Variants in CHMP2B observed in about 807,000 individuals in gnomAD.
The protein encoded by CHMP2B is charged multivesicular body protein 2B, also known as VPS2 homolog B.
A neutral mutation model predicts 29.8 loss-of-function variants in CHMP2B; 22 were observed. That is an observed-to-expected ratio of 0.74 (90% CI 0.53 to 1.05). The LOEUF (loss-of-function observed/expected upper bound fraction) is 1.05, where lower values mean the gene tolerates loss of function less well. CHMP2B is among the 50% of genes least tolerant of loss of function. CHMP2B has a pLI of 0.00. For synonymous variants in CHMP2B, 78 were observed against 75.8 expected (o/e 1.03, Z -0.15); for missense variants, 261 against 252.2 (o/e 1.03, Z -0.24).
At chr3:87,240,534 T>C (rs1373361582) in intron 1 of CHMP2B, 165 bp from the exon 2 acceptor site, 6 of 566,430 alleles carry the variant, frequency 1.1e-5, no homozygotes, top group African/African-American at 1.9e-5. Flanking sequence ...GGTCTCGAAC[T>C]CCTGACCTCA....
At chr3:87,243,314 C>T (rs1199802745) in intron 2 of CHMP2B, among the ~76,000 whole-genome samples, 1 of 151,926 alleles carries the variant, frequency 6.6e-6, no homozygotes, top group Non-Finnish European at 1.5e-5. Flanking sequence ...TTTCAGTTTG[C>T]TGAAATTTTA....
chr3:87,250,073 A>G, intron 4 of CHMP2B, 96 bp downstream of exon 4: 1 of 742,730 alleles, frequency 1.3e-6, no homozygotes, highest in Non-Finnish European at 2.2e-6. Flanking sequence ...CGAAGGCAGA[A>G]ATGATGAAAC....
intron 2 of CHMP2B, among the ~76,000 whole-genome samples, chr3:87,243,572 C>T (rs1706160496): frequency 6.6e-6 from 1 of 152,022 alleles, no homozygotes; most frequent in African/African-American, 2.4e-5. Context: ...TTGTGTAGTT[C>T]TTCCTTAAAT....
At chr3:87,242,653 G>C (rs1426118014) in intron 2 of CHMP2B, among the ~76,000 whole-genome samples, 1 of 152,098 alleles carries the variant, frequency 6.6e-6, no homozygotes, top group Non-Finnish European at 1.5e-5. Flanking sequence ...ATGGTGTCAG[G>C]TAAGGGTAGA....
At chr3:87,235,899 T>C (rs935378053) in intron 1 of CHMP2B, among the ~76,000 whole-genome samples, 6 of 152,214 alleles carry the variant, frequency 3.9e-5, no homozygotes, top group Non-Finnish European at 7.3e-5. Flanking sequence ...CAACTTCATC[T>C]TCAACTTTGA....
At chr3:87,251,427 A>G (rs187413614) in intron 4 of CHMP2B, among the ~76,000 whole-genome samples, 1 of 152,142 alleles carries the variant, frequency 6.6e-6, no homozygotes, top group African/African-American at 2.4e-5. Flanking sequence ...CCATTAAGCT[A>G]TAATGAAAAG....
chr3:87,248,158 C>T (rs62257798), intron 3 of CHMP2B, among the ~76,000 whole-genome samples: 47,418 of 151,184 alleles, frequency 0.31, 9,261 homozygotes, highest in Non-Finnish European at 0.44. Flanking sequence ...ATTAGCTGGG[C>T]GTGGTGGTGG....
rs144624883 is a variant in CHMP2B at position 87,245,839 on chromosome 3, T to C, written c.252T>C (p.Ser84=). 2.0e-5 allele frequency: 33 copies of C among 1,613,706 alleles called. No individual in the cohort carries two copies. The African/African-American group carries it at 4.4e-4, about 22-fold the overall frequency. ...TTGCTGTAAGTTCAAAAGTTACTTC[T>C]ATGTCTACACAAACAAAAGTGATGA... ...RTFAVSSKVT[S]MSTQTKVMNS... The change falls in exon 3 of 6, where the codon TCT becomes TCC. Residue 84 remains serine (S), a synonymous_variant. Coordinates refer to ENST00000263780, the MANE Select transcript of CHMP2B (RefSeq NM_014043.4).
intron 1 of CHMP2B, chr3:87,240,446 G>A: frequency 5.4e-6 from 2 of 370,560 alleles, no homozygotes; most frequent in Non-Finnish European, 1.0e-5. Flanking sequence ...GAGTAGCTCG[G>A]ATTACAGGCA....
chr3:87,237,354 G>T (rs1468678902), intron 1 of CHMP2B, among the ~76,000 whole-genome samples: 3 of 152,088 alleles, frequency 2.0e-5, no homozygotes, highest in Non-Finnish European at 4.4e-5. Context: ...GCTATCCTTA[G>T]AAGAAGAGAA....
At chr3:87,229,202 A>G (rs556532658) in intron 1 of CHMP2B, among the ~76,000 whole-genome samples, 1 of 152,262 alleles carries the variant, frequency 6.6e-6, no homozygotes, top group South Asian at 2.1e-4. Context: ...TTTAGTGACT[A>G]TTGTACTTGA....
At chr3:87,243,386 G>T (rs905228738) in intron 2 of CHMP2B, among the ~76,000 whole-genome samples, 1 of 151,418 alleles carries the variant, frequency 6.6e-6, no homozygotes, top group Non-Finnish European at 1.5e-5. Context: ...TGTGTGGTGG[G>T]TTTTTTTTGT....
chr3:87,241,095 A>G (rs1706110491), intron 2 of CHMP2B, among the ~76,000 whole-genome samples: 1 of 152,210 alleles, frequency 6.6e-6, no homozygotes, highest in Admixed American at 6.5e-5. Context: ...GTTAACAGGA[A>G]GATGAAATAG....
Position 87,252,604 on chromosome 3 carries a change from A to T in CHMP2B, c.425-800A>T, listed in dbSNP as rs138471866. Reference sequence around the variant, plus strand: ...CTTCTCTGAAACTTTATAATCATTTATCTTTTCTCTTACCACAATCTGTTT... The same window carrying T: ...CTTCTCTGAAACTTTATAATCATTTTTCTTTTCTCTTACCACAATCTGTTT... On this transcript the variant is annotated intron_variant, in intron 4 of 5. Coordinates refer to ENST00000263780, the MANE Select transcript of CHMP2B (RefSeq NM_014043.4). 3.5e-3 allele frequency among the ~76,000 whole-genome samples: 530 copies of T among 151,908 alleles called. 2 individuals carry two copies. Among genetic ancestry groups the T allele is most frequent in the Non-Finnish European group, 4.7e-3 (322 of 67,820 alleles).
chr3:87,239,752 A>G (rs1706078959), intron 1 of CHMP2B, among the ~76,000 whole-genome samples: 7 of 152,200 alleles, frequency 4.6e-5, no homozygotes, highest in Admixed American at 4.6e-4. Context: ...AATTCAGATA[A>G]ATTAGAAAGA....
At chr3:87,245,953 G>A (rs200711743) in intron 3 of CHMP2B, 45 bp downstream of exon 3, 62 of 1,471,558 alleles carry the variant, frequency 4.2e-5, no homozygotes, top group Middle Eastern at 2.3e-4. Flanking sequence ...TTTTATCAAC[G>A]ATATTTAAAT....
rs760794461 is a variant in CHMP2B, at chr3:87,253,433, G to T, written c.454G>T (p.Gly152Cys). ...TGATACACTTGATGACATCTTTGAC[G>T]GTTCTGATGACGAAGAAGAAAGCCA... is the stretch of plus-strand genomic sequence containing the variant. ...INDTLDDIFD[G>C]SDDEEESQDI... The change falls in exon 5 of 6, where the codon GGT becomes TGT. Residue 152 changes from glycine to cysteine, a missense_variant. Physicochemically the swap from Gly to Cys is radical, Grantham distance 159. Transcript: ENST00000263780. 4.3e-6 allele frequency: 7 copies of T among 1,610,698 alleles called. No individual in the cohort carries two copies. Among genetic ancestry groups the T allele is most frequent in the Non-Finnish European group, 5.9e-6 (7 of 1,177,390 alleles).
At position 87,242,402 on chromosome 3, in the gene CHMP2B, T is replaced by C. The variant is rs182384006; in HGVS notation, c.126+1612T>C. On this transcript the variant is annotated intron_variant, in intron 2 of 5. Coordinates refer to ENST00000263780, the MANE Select transcript of CHMP2B (RefSeq NM_014043.4). ...GATAGTGTTTTCTAAGTCTTCTGTA[T>C]CATTGCAGATCTTCTGTCTACTTGT... is the stretch of plus-strand genomic sequence containing the variant. Among the ~76,000 whole-genome samples, 23 of 152,272 alleles carry C rather than the reference T, an allele frequency of 1.5e-4. No homozygotes were observed. The East Asian group carries it at 1.7e-3, about 11-fold the overall frequency.
At chr3:87,252,409 AC>A (rs1441995715) in intron 4 of CHMP2B, among the ~76,000 whole-genome samples, 1 of 150,998 alleles carries the variant, frequency 6.6e-6, no homozygotes, top group African/African-American at 2.4e-5. Flanking sequence ...CCATTTATGT[AC>A]CTTAAATAAC....
Sources: allele counts gnomAD v4.1 joint callset (sites outside exome capture counted in the v4.1 genomes callset), GRCh38; gene constraint gnomAD v4.1.1; transcripts MANE v1.5; gene names NCBI Gene and HGNC (gene_info 2026-07-23, HGNC 2026-07-21).